NLGN1: variants seen among roughly 807,000 people sequenced by gnomAD.
NLGN1 encodes neuroligin-1.
A neutral mutation model predicts 65.5 loss-of-function variants in NLGN1; 12 were observed. The observed-to-expected ratio is 0.18, with a 90% CI of 0.12 to 0.30. The LOEUF is 0.30. Among genes scored for constraint, NLGN1 ranks in the 10% least tolerant of loss-of-function variants. The pLI, the probability that NLGN1 is intolerant of heterozygous loss-of-function variation, is 1.00. For missense variants in NLGN1, 750 were observed against 1,007.1 expected, an observed-to-expected ratio of 0.74 and a Z score of 3.46; for synonymous variants, 350 against 359.5, an observed-to-expected ratio of 0.97 and a Z score of 0.30.
At chr3:174,288,475 C>A (rs538229365), downstream of NLGN1, among the ~76,000 whole-genome samples, 4 of 151,504 alleles carry the variant, frequency 2.6e-5, no homozygotes, top group African/African-American at 9.7e-5. Context: ...GGGATGTCTT[C>A]TTTATATTGA....
At chr3:173,408,611 T>G (rs971223558) in intron 1 of NLGN1, among the ~76,000 whole-genome samples, 1 of 152,110 alleles carries the variant, frequency 6.6e-6, no homozygotes, top group African/African-American at 2.4e-5. Flanking sequence ...CCTCTATAAC[T>G]TCTCAAGAAT....
intron 2 of NLGN1, among the ~76,000 whole-genome samples, chr3:173,455,102 C>G (rs1456161287): frequency 6.6e-6 from 1 of 152,122 alleles, no homozygotes; most frequent in African/African-American, 2.4e-5. Flanking sequence ...AAAACAATTA[C>G]AAAAGTAACA....
At chr3:173,838,888 T>C (rs946774609) in intron 4 of NLGN1, among the ~76,000 whole-genome samples, 2 of 152,230 alleles carry the variant, frequency 1.3e-5, no homozygotes, top group Non-Finnish European at 1.5e-5. Flanking sequence ...GTTTGACTGA[T>C]GCTTCACATG....
chr3:173,853,439 T>G (rs1387215734), intron 4 of NLGN1, among the ~76,000 whole-genome samples: 1 of 152,156 alleles, frequency 6.6e-6, no homozygotes, highest in Non-Finnish European at 1.5e-5. Context: ...TCTCCGAAAT[T>G]GAGTCATCTT....
At chr3:173,468,762 A>G (rs555551150) in intron 2 of NLGN1, among the ~76,000 whole-genome samples, 1 of 152,184 alleles carries the variant, frequency 6.6e-6, no homozygotes, top group East Asian at 1.9e-4. Flanking sequence ...AATGACTTTT[A>G]AAAAATAGCA....
chr3:173,620,737 G>T (rs1210273837), intron 3 of NLGN1, among the ~76,000 whole-genome samples: 1 of 152,104 alleles, frequency 6.6e-6, no homozygotes, highest in East Asian at 1.9e-4. Context: ...GAATGAGACA[G>T]AGATAGATAA....
intron 3 of NLGN1, among the ~76,000 whole-genome samples, chr3:173,669,816 A>C (rs936332608): frequency 5.3e-5 from 8 of 152,142 alleles, no homozygotes; most frequent in Non-Finnish European, 1.0e-4. Context: ...CCAATCAAAA[A>C]CCAACCCCAC....
chr3:173,496,609 T>C (rs973375999), intron 2 of NLGN1, among the ~76,000 whole-genome samples: 5 of 151,840 alleles, frequency 3.3e-5, no homozygotes, highest in African/African-American at 9.7e-5. Context: ...GCCTATCTGT[T>C]AGCTTATCAC....
At chr3:173,404,312 T>A (rs558879416) in intron 1 of NLGN1, among the ~76,000 whole-genome samples, 1 of 152,290 alleles carries the variant, frequency 6.6e-6, no homozygotes, top group Non-Finnish European at 1.5e-5. Flanking sequence ...ACTTTTGTGA[T>A]GGATGTTGGT....
chr3:173,926,969 C>T (rs1383747789), intron 4 of NLGN1, among the ~76,000 whole-genome samples: 1 of 152,150 alleles, frequency 6.6e-6, no homozygotes, highest in Non-Finnish European at 1.5e-5. Flanking sequence ...TCTCTTTTAT[C>T]CAGATGTGGC....
In NLGN1 at chr3:173,551,353, T is replaced by C. The variant is rs1290195669; in HGVS notation, c.-320-52926T>C. Among the ~76,000 whole-genome samples the C allele has an allele frequency of 5.3e-5, 8 of 152,346 alleles. No individual in the cohort carries two copies. In the East Asian group the frequency reaches 1.2e-3, roughly 22 times the overall value. ...CAGGCAGAAGCTAATATCTGTATTA[T>C]GGATTCTGCTAATATCTGTATTATG... On this transcript the variant is annotated intron_variant, in intron 2 of 6. Coordinates refer to ENST00000457714, the Ensembl canonical transcript of NLGN1.
At chr3:174,030,416 G>A (rs530890278) in intron 4 of NLGN1, among the ~76,000 whole-genome samples, 24 of 152,168 alleles carry the variant, frequency 1.6e-4, no homozygotes, top group Non-Finnish European at 2.9e-4. Context: ...GAGCCACCTC[G>A]CCCAGCCAGC....
intron 4 of NLGN1, among the ~76,000 whole-genome samples, chr3:173,878,972 C>T (rs1364837094): frequency 6.6e-6 from 1 of 152,048 alleles, no homozygotes; most frequent in Non-Finnish European, 1.5e-5. Context: ...TGACTTAACG[C>T]CTGTAATCCC....
chr3:174,129,967 T>C (rs186805454), intron 4 of NLGN1, among the ~76,000 whole-genome samples: 24 of 152,362 alleles, frequency 1.6e-4, no homozygotes, highest in Admixed American at 6.5e-4. Context: ...TTGTAACCAT[T>C]AGGATCTGTA....
At chr3:173,636,143 T>G (rs1756549853) in intron 3 of NLGN1, among the ~76,000 whole-genome samples, 1 of 152,162 alleles carries the variant, frequency 6.6e-6, no homozygotes, top group Non-Finnish European at 1.5e-5. Context: ...ACTTGTTGTT[T>G]AGTAGAATGT....
intron 2 of NLGN1, among the ~76,000 whole-genome samples, chr3:173,581,231 T>TGG (rs1746346669): frequency 6.6e-6 from 1 of 152,032 alleles, no homozygotes; most frequent in African/African-American, 2.4e-5. Context: ...AAAAATGCCT[T>TGG]TTCTAATATT....
At chr3:173,802,002 T>C in intron 3 of NLGN1, among the ~76,000 whole-genome samples, 1 of 152,134 alleles carries the variant, frequency 6.6e-6, no homozygotes, top group Non-Finnish European at 1.5e-5. Context: ...ACTCCTAGAA[T>C]TTGTTATCTA....
At chr3:174,052,560 C>G (rs75201928) in intron 4 of NLGN1, among the ~76,000 whole-genome samples, 10,712 of 151,928 alleles carry the variant, frequency 0.071, 601 homozygotes, top group African/African-American at 0.15. Context: ...GCACTGAATA[C>G]TGATATACAA....
chr3:173,468,483 G>A (rs1724754434), intron 2 of NLGN1, among the ~76,000 whole-genome samples: 1 of 152,006 alleles, frequency 6.6e-6, no homozygotes, highest in Non-Finnish European at 1.5e-5. Flanking sequence ...CCATTACTAT[G>A]TTCTGGGGAA....
Sources: allele counts gnomAD v4.1 joint callset (sites outside exome capture counted in the v4.1 genomes callset), GRCh38; gene constraint gnomAD v4.1.1; transcripts MANE v1.5; gene names NCBI Gene and HGNC (gene_info 2026-07-23, HGNC 2026-07-21).